PLGRKT: variants seen among roughly 807,000 people sequenced by gnomAD.
PLGRKT encodes plasminogen receptor (KT).
A neutral mutation model predicts 18.5 loss-of-function variants in PLGRKT; 22 were observed. The observed-to-expected ratio is 1.19, with a 90% CI of 0.85 to 1.70. PLGRKT has a LOEUF of 1.70. PLGRKT is among the 40% of genes most tolerant of loss of function. The probability of loss-of-function intolerance (pLI) is 0.00; values close to 1 mark genes in which losing one functional copy is unlikely to be tolerated. For synonymous variants in PLGRKT, 72 were observed against 52.8 expected (o/e 1.36, Z -1.58); for missense variants, 235 against 174.4 (o/e 1.35, Z -1.96).
chr9:5,413,501 G>A (rs913416952), intron 3 of PLGRKT, among the ~76,000 whole-genome samples: 1 of 152,196 alleles, frequency 6.6e-6, no homozygotes, highest in Non-Finnish European at 1.5e-5. Flanking sequence ...AGTGAAAGAT[G>A]GAGGCAAGAG....
chr9:5,422,149 C>T (rs1278405605), intron 3 of PLGRKT, among the ~76,000 whole-genome samples: 2 of 152,140 alleles, frequency 1.3e-5, no homozygotes, highest in Non-Finnish European at 2.9e-5. Context: ...TTTATTCAAG[C>T]CCTAATGAAG....
chr9:5,406,420 T>C (rs1019164942), intron 3 of PLGRKT, among the ~76,000 whole-genome samples: 2 of 152,186 alleles, frequency 1.3e-5, no homozygotes, highest in African/African-American at 4.8e-5. Flanking sequence ...CATGGAATAC[T>C]ATGCAGCCAT....
Position 5,418,612 on chromosome 9 carries a change from G to A in PLGRKT, c.81+13285C>T, listed in dbSNP as rs563201620. The A allele has an allele frequency of 9.7e-6, 7 of 723,376 alleles. No individual in the cohort carries two copies. Among genetic ancestry groups the A allele is most frequent in the Non-Finnish European group, 1.5e-5 (6 of 388,240 alleles). 44.8% of individuals were successfully genotyped at this position (723,376 alleles called of 1,614,324 possible). On this transcript the variant is annotated intron_variant, in intron 3 of 5. Coordinates refer to ENST00000223864, the MANE Select transcript of PLGRKT (RefSeq NM_018465.4). This position sits in a 1 kb window ranked among gnomAD's most constrained non-coding sequence, Gnocchi z 4.2. Reference sequence around the variant, plus strand: ...AGTGACGGACTTCTGCCGGTTCCTGGGCAGCAGGTGGCGGCTCATATCTCC... The same window carrying A: ...AGTGACGGACTTCTGCCGGTTCCTGAGCAGCAGGTGGCGGCTCATATCTCC...
intron 3 of PLGRKT, among the ~76,000 whole-genome samples, chr9:5,388,502 T>A (rs1817887357): frequency 6.6e-6 from 1 of 152,042 alleles, no homozygotes; most frequent in Non-Finnish European, 1.5e-5. Flanking sequence ...AGATCATATT[T>A]CTGCATTGAA....
Position 5,402,375 on chromosome 9 carries a change from G to T in PLGRKT, c.81+29522C>A, listed in dbSNP as rs115800363. Among the ~76,000 whole-genome samples, 608 of 152,004 alleles carry T rather than the reference G, an allele frequency of 4.0e-3. 22 individuals carry two copies. Among genetic ancestry groups the T allele is most frequent in the African/African-American group, 0.014 (580 of 41,282 alleles). Reference sequence around the variant, plus strand: ...ACCATGAACTCTTTTAGGCTAGAAGGGGAAGGGGAAGGAAACAGTATTAAC... The same window carrying T: ...ACCATGAACTCTTTTAGGCTAGAAGTGGAAGGGGAAGGAAACAGTATTAAC... On this transcript the variant is annotated intron_variant, in intron 3 of 5. Transcript: ENST00000223864.
At chr9:5,421,612 T>G (rs1053247530) in intron 3 of PLGRKT, among the ~76,000 whole-genome samples, 1 of 152,228 alleles carries the variant, frequency 6.6e-6, no homozygotes, top group Non-Finnish European at 1.5e-5. Context: ...ATAAGAAAAC[T>G]TTTGCTTTAA....
intron 1 of PLGRKT, 147 bp from the exon 2 acceptor site, chr9:5,436,841 C>G (rs1818969999): frequency 6.6e-6 from 1 of 152,232 alleles, no homozygotes; most frequent in Admixed American, 6.5e-5. Context: ...AGAACACTTT[C>G]AGCTATCTCC....
intron 3 of PLGRKT, among the ~76,000 whole-genome samples, chr9:5,409,769 C>T (rs1429797150): frequency 6.6e-6 from 1 of 152,200 alleles, no homozygotes; most frequent in African/African-American, 2.4e-5. Context: ...TAATGACTGC[C>T]CTGCTGGGTT....
chr9:5,391,759 G>A (rs1817953606), intron 3 of PLGRKT, among the ~76,000 whole-genome samples: 1 of 151,898 alleles, frequency 6.6e-6, no homozygotes, highest in South Asian at 2.1e-4. Flanking sequence ...GTCTAATTTA[G>A]CTGTCCTTAA....
Position 5,366,000 on chromosome 9 carries a change from C to G in PLGRKT, c.82-4112G>C, listed in dbSNP as rs767301448. 6.5e-4 allele frequency among the ~76,000 whole-genome samples: 99 copies of G among 152,112 alleles called. 1 individual carries two copies. The highest frequency in any genetic ancestry group is 5.9e-4 in the Non-Finnish European group (40 of 67,998). ...TGAGAAAAAATTCCATGCAGACTCTCTCCATGAGCAAAACATTCTAATGAA... is the reference window on the plus strand; with the variant it reads ...TGAGAAAAAATTCCATGCAGACTCTGTCCATGAGCAAAACATTCTAATGAA... On this transcript the variant is annotated intron_variant, in intron 3 of 5. Coordinates refer to ENST00000223864, the MANE Select transcript of PLGRKT (RefSeq NM_018465.4).
chr9:5,399,074 C>A (rs1586726127), intron 3 of PLGRKT, among the ~76,000 whole-genome samples: 1 of 151,586 alleles, frequency 6.6e-6, no homozygotes, highest in Non-Finnish European at 1.5e-5. Flanking sequence ...CTCCTCTCGC[C>A]TTCCCACAAT....
intron 3 of PLGRKT, among the ~76,000 whole-genome samples, chr9:5,392,018 T>C (rs896403638): frequency 7.2e-5 from 11 of 151,946 alleles, no homozygotes; most frequent in African/African-American, 2.7e-4. Context: ...AACTCATCTC[T>C]TAGAGCTCTG....
chr9:5,386,353 A>G (rs1359235049), intron 3 of PLGRKT, among the ~76,000 whole-genome samples: 1 of 151,860 alleles, frequency 6.6e-6, no homozygotes, highest in African/African-American at 2.4e-5. Context: ...GTGGTTCTCA[A>G]CCAGGCATGA....
Position 5,422,675 on chromosome 9 carries a change from T to G in PLGRKT, c.81+9222A>C, listed in dbSNP as rs530711322. 2.0e-5 allele frequency among the ~76,000 whole-genome samples: 3 copies of G among 152,318 alleles called. No individual in the cohort carries two copies. In the South Asian group the frequency reaches 6.2e-4, roughly 32 times the overall value. ...GCATATGATAGGAAGAAATTATTGC[T>G]AATTTAGCTAAATATGGTTATATCT... On this transcript the variant is annotated intron_variant, in intron 3 of 5. Coordinates refer to ENST00000223864, the MANE Select transcript of PLGRKT (RefSeq NM_018465.4).
chr9:5,363,230 T>C (rs1817307233), intron 3 of PLGRKT, among the ~76,000 whole-genome samples: 1 of 151,896 alleles, frequency 6.6e-6, no homozygotes, highest in African/African-American at 2.4e-5. Flanking sequence ...TTCTGCTTTG[T>C]TTTCTGTTCA....
At chr9:5,414,492 A>C (rs1818422066) in intron 3 of PLGRKT, among the ~76,000 whole-genome samples, 1 of 152,182 alleles carries the variant, frequency 6.6e-6, no homozygotes, top group South Asian at 2.1e-4. Context: ...TTTGACTATT[A>C]GAACCATAGC....
chr9:5,433,974 GCC>G (rs1818896484), intron 2 of PLGRKT, among the ~76,000 whole-genome samples: 14 of 139,654 alleles, frequency 1.0e-4, no homozygotes, highest in Non-Finnish European at 1.1e-4. Flanking sequence ...AGTGAGGAGC[GCC>G]TCTGCCCGGC....
chr9:5,386,872 G>A (rs1231129086), intron 3 of PLGRKT, among the ~76,000 whole-genome samples: 1 of 151,940 alleles, frequency 6.6e-6, no homozygotes, highest in Non-Finnish European at 1.5e-5. Context: ...AAAGGAAACT[G>A]CTCACCAGGT....
At chr9:5,358,497 T>C (rs1817188277) in intron 5 of PLGRKT, 137 bp from the exon 6 acceptor site, 2 of 621,060 alleles carry the variant, frequency 3.2e-6, no homozygotes, top group East Asian at 5.6e-5. Flanking sequence ...AACATTTTCC[T>C]CAGGAGAAGT....
Sources: allele counts gnomAD v4.1 joint callset (sites outside exome capture counted in the v4.1 genomes callset), GRCh38; gene constraint gnomAD v4.1.1; non-coding constraint Gnocchi (gnomAD v3.1); transcripts MANE v1.5; gene names NCBI Gene and HGNC (gene_info 2026-07-23, HGNC 2026-07-21).